Variants in ZNF862 observed in about 807,000 individuals in gnomAD.
ZNF862 encodes the protein zinc finger protein 862.
In ZNF862, 64 loss-of-function variants were observed where a neutral mutation model predicts 91.1. That is an observed-to-expected ratio of 0.70 (90% CI 0.57 to 0.87). The LOEUF (loss-of-function observed/expected upper bound fraction) is 0.87. ZNF862 is among the 40% of genes least tolerant of loss of function. The probability of loss-of-function intolerance (pLI) is 0.00; values close to 1 mark genes in which losing one functional copy is unlikely to be tolerated. For synonymous variants in ZNF862, 631 were observed against 618.1 expected (o/e 1.02, Z -0.31); for missense variants, 1,459 against 1,528.0 (o/e 0.95, Z 0.75).
rs766274937 is a variant in ZNF862, at chr7:149,848,405, T to C, written c.912T>C (p.Tyr304=). The C allele has an allele frequency of 5.7e-6, 9 of 1,569,552 alleles. No individual in the cohort carries two copies. The Admixed American group carries it at 1.7e-4, about 29-fold the overall frequency. The change falls in exon 4 of 8, where the codon TAT becomes TAC. Residue 304 remains tyrosine, a synonymous_variant. Transcript: ENST00000223210. The stretch of plus-strand genomic sequence containing the variant: ...GCTCCTCAGACATTAATATTTTATA[T>C]AATGATGCAGTAGAATCCTGCATTC... ...IHSSSDINIL[Y]NDAVESCIQD... is the part of the protein sequence containing the mutation.
At chr7:149,847,653 G>T in intron 3 of ZNF862, 82 bp from the exon 4 acceptor site, 10 of 762,674 alleles carry the variant, frequency 1.3e-5, no homozygotes, top group South Asian at 1.9e-5. Context: ...TTTCATATTT[G>T]GTGTACCTCA....
At chr7:149,862,525 C>A in intron 7 of ZNF862, 31 bp downstream of exon 7, 1 of 1,541,634 alleles carries the variant, frequency 6.5e-7, no homozygotes, top group Non-Finnish European at 8.7e-7. Flanking sequence ...TCCCCCAAGG[C>A]AGCCTCATGC....
At chr7:149,858,659 A>T (rs1223492073) in intron 5 of ZNF862, 4 of 152,274 alleles carry the variant, frequency 2.6e-5, no homozygotes, top group Non-Finnish European at 5.9e-5. Context: ...TTTTATTTTC[A>T]ATAGAGGAAA....
chr7:149,865,194 C>A lies in ZNF862; in HGVS notation c.*910C>A. ...TTAGTGAATGAGAGCCTCGAGCTCC[C>A]TCAAAGACCTCTGGCTGCAGTGTGG... On this transcript the variant is annotated 3_prime_UTR_variant, in exon 8 of 8. Transcript: ENST00000223210. The A allele has an allele frequency of 6.6e-6, 1 of 152,366 alleles. No homozygotes were observed. 9.4% of individuals were successfully genotyped at this position (152,366 alleles called of 1,614,324 possible).
chr7:149,841,431 T>G, intron 1 of ZNF862: 1 of 984,194 alleles, frequency 1.0e-6, no homozygotes, highest in Non-Finnish European at 1.2e-6. Context: ...CTGTTTTATT[T>G]TCTTCCTAAC....
chr7:149,841,337 A>T, intron 1 of ZNF862: 1 of 985,428 alleles, frequency 1.0e-6, no homozygotes, highest in Non-Finnish European at 1.2e-6. Flanking sequence ...GATATCCCAC[A>T]TTGAATGTAG....
rs922852467 is a variant in ZNF862, at chr7:149,855,728, C to T, written c.1118-3694C>T. Among the ~76,000 whole-genome samples, 6 of 152,144 alleles carry T rather than the reference C, an allele frequency of 3.9e-5. No homozygotes were observed. In the South Asian group the frequency reaches 8.3e-4, roughly 21 times the overall value. On this transcript the variant is annotated intron_variant, in intron 5 of 7. Coordinates refer to ENST00000223210, the MANE Select transcript of ZNF862 (RefSeq NM_001099220.3). The surrounding 1 kb of genome is among the most constrained non-coding windows in gnomAD (Gnocchi z 4.1). The stretch of plus-strand genomic sequence containing the variant: ...GGGGAGTATCACACTGGTAGCCAAC[C>T]GTCACGGGCAGGCCCCACAGACAAC...
In ZNF862 at chr7:149,860,922, G is replaced by A. The variant is rs376877827; in HGVS notation, c.1762G>A (p.Val588Met). The change falls in exon 7 of 8, where the codon GTG (valine) becomes ATG (methionine). Residue 588 changes from valine to methionine, a missense_variant. By Grantham distance (21) the Val-to-Met change is conservative. Coordinates refer to ENST00000223210, the MANE Select transcript of ZNF862 (RefSeq NM_001099220.3). The stretch of plus-strand genomic sequence containing the variant: ...GCAGCTCCTCCAAAGCACGGGGACC[G>A]TGATATTAGGCAAGTACCGCAATCG... ...ILQLLQSTGT[V>M]ILGKYRNRTA... 36 of 1,613,674 alleles carry A rather than the reference G, an allele frequency of 2.2e-5. No homozygotes were observed. Among genetic ancestry groups the A allele is most frequent in the South Asian group, 5.5e-5 (5 of 91,084 alleles).
intron 6 of ZNF862, 175 bp downstream of exon 6, chr7:149,859,701 G>T: frequency 1.7e-6 from 1 of 586,682 alleles, no homozygotes; most frequent in South Asian, 2.1e-5. Context: ...CCCACAGAGT[G>T]TAGAGTAGTC....
intron 4 of ZNF862, 49 bp downstream of exon 4, chr7:149,848,481 C>A: frequency 7.3e-7 from 1 of 1,375,254 alleles, no homozygotes; most frequent in Non-Finnish European, 9.6e-7. Context: ...GGATTCTATA[C>A]TGAGAACGAT....
At chr7:149,859,170 A>T in intron 5 of ZNF862, 2 of 544,420 alleles carry the variant, frequency 3.7e-6, no homozygotes, top group Non-Finnish European at 3.3e-6. Flanking sequence ...TCCTGTTTCC[A>T]CCCTTCCCCC....
chr7:149,846,993 A>G lies in ZNF862; in HGVS notation c.241+738A>G, dbSNP rs11977954. ...AGACCAGTCTGTTGGCCTGGCACAA[A>G]AATGTTGCGTCCTCAGCCACTGGGC... On this transcript the variant is annotated intron_variant, in intron 3 of 7. Transcript: ENST00000223210. 9.3e-3 allele frequency among the ~76,000 whole-genome samples: 1,417 copies of G among 152,328 alleles called. 25 individuals carry two copies. Among genetic ancestry groups the G allele is most frequent in the African/African-American group, 0.033 (1,353 of 41,568 alleles).
intron 5 of ZNF862, among the ~76,000 whole-genome samples, chr7:149,853,937 C>CAAAAAAAA (rs931414504): frequency 9.2e-6 from 1 of 108,232 alleles, no homozygotes; most frequent in Non-Finnish European, 1.9e-5. Context: ...GACTCCATCT[C>CAAAAAAAA]AAAAAAAAAA....
chr7:149,857,631 C>T (rs866047811), intron 5 of ZNF862, among the ~76,000 whole-genome samples: 3 of 152,236 alleles, frequency 2.0e-5, no homozygotes, highest in East Asian at 1.9e-4. Context: ...GCCTTAGAAA[C>T]GGACTGGAAG....
Position 149,848,130 on chromosome 7 carries a change from T to G in ZNF862, c.637T>G (p.Trp213Gly), listed in dbSNP as rs563616947. 51 of 1,614,056 alleles carry G rather than the reference T, an allele frequency of 3.2e-5. No homozygotes were observed. The East Asian group carries it at 1.1e-3, about 34-fold the overall frequency. ...TGCCTTGGCAGCGAGGGACCCCATC[T>G]GGGCAGCCCGGTTCCGGAGCATCAG... is the stretch of plus-strand genomic sequence containing the variant. The part of the protein sequence containing the change: ...VNALAARDPI[W>G]AARFRSIRDP... The change falls in exon 4 of 8, where the codon TGG becomes GGG. Residue 213 changes from tryptophan (W) to glycine (G), a missense_variant. Coordinates refer to ENST00000223210, the MANE Select transcript of ZNF862 (RefSeq NM_001099220.3).
chr7:149,860,778 C>T lies in ZNF862; in HGVS notation c.1618C>T (p.His540Tyr). 1 of 1,613,938 alleles carries T rather than the reference C, an allele frequency of 6.2e-7. No individual in the cohort carries two copies. The highest frequency in any genetic ancestry group is 1.1e-5 in the South Asian group (1 of 91,088). ...NTVEIKEDTP[H>Y]TALVPEISSD... ...GGTTGAAATCAAGGAAGACACCCCT[C>T]ACACTGCCCTCGTTCCAGAGATCTC... Residue 540 changes from histidine (H) to tyrosine (Y), a missense_variant, in exon 7 of 8, where the codon CAC (histidine) becomes TAC (tyrosine). Physicochemically the swap from His to Tyr is moderately conservative, Grantham distance 83. Transcript: ENST00000223210.
At position 149,859,397 on chromosome 7, in the gene ZNF862, G is replaced by A. The variant is rs1052409723; in HGVS notation, c.1118-25G>A. On this transcript the variant is annotated intron_variant, in intron 5 of 7. Transcript: ENST00000223210. ...CGATTTGGCCACAGCAGTGACATCAGCATGATTCTTCATCCTTACAACAGG... is the reference window on the plus strand; with the variant it reads ...CGATTTGGCCACAGCAGTGACATCAACATGATTCTTCATCCTTACAACAGG... 3.9e-6 allele frequency: 6 copies of A among 1,549,532 alleles called. No homozygotes were observed. In the African/African-American group the frequency reaches 6.8e-5, roughly 18 times the overall value.
chr7:149,841,947 C>A (rs529344043), intron 1 of ZNF862, among the ~76,000 whole-genome samples: 1 of 152,174 alleles, frequency 6.6e-6, no homozygotes, highest in African/African-American at 2.4e-5. Context: ...GAATTAAATG[C>A]CTATAAAATA....
At chr7:149,838,790 C>T (rs1176037598) in intron 1 of ZNF862, among the ~76,000 whole-genome samples, 155 bp downstream of exon 1, 1 of 152,222 alleles carries the variant, frequency 6.6e-6, no homozygotes, top group Non-Finnish European at 1.5e-5. Context: ...CACTTCGGCG[C>T]CCGACCCCGG....
Sources: allele counts gnomAD v4.1 joint callset (sites outside exome capture counted in the v4.1 genomes callset), GRCh38; gene constraint gnomAD v4.1.1; non-coding constraint Gnocchi (gnomAD v3.1); transcripts MANE v1.5; gene names NCBI Gene and HGNC (gene_info 2026-07-23, HGNC 2026-07-21).